The following DNAH7 variants were observed in gnomAD, a reference collection of about 807,000 sequenced individuals.
The protein encoded by DNAH7 is dynein axonemal heavy chain 7.
In DNAH7, 397 loss-of-function variants were observed where a neutral mutation model predicts 444.6. That is an observed-to-expected ratio of 0.89 (90% CI 0.82 to 0.97). The LOEUF is 0.97. DNAH7 is among the 50% of genes least tolerant of loss of function. The probability of loss-of-function intolerance (pLI) is 0.00; values close to 1 mark genes in which losing one functional copy is unlikely to be tolerated. For synonymous variants in DNAH7, 1,636 were observed against 1,624.4 expected (o/e 1.01, Z -0.17); for missense variants, 4,902 against 4,800.8 (o/e 1.02, Z -0.62).
intron 10 of DNAH7, among the ~76,000 whole-genome samples, chr2:196,007,980 T>C (rs1694487940): frequency 6.6e-6 from 1 of 152,056 alleles, no homozygotes. Context: ...ATACTATCAA[T>C]AGGAGAAATA....
chr2:195,858,625 T>G lies in DNAH7; in HGVS notation c.7916A>C (p.Lys2639Thr). Residue 2639 changes from lysine to threonine, a missense_variant, in exon 43 of 65, where the codon AAA becomes ACA. Coordinates refer to ENST00000312428, the MANE Select transcript of DNAH7 (RefSeq NM_018897.3). ...ATCAGCTTTCACTATTTTTTCAGTTTTGGCAACTTCTACAGACTCTTTCTC... is the reference window on the plus strand; with the variant it reads ...ATCAGCTTTCACTATTTTTTCAGTTGTGGCAACTTCTACAGACTCTTTCTC... Reference protein sequence around the residue: ...MIEKESVEVAKTEKIVKADET... With the variant: ...MIEKESVEVATTEKIVKADET... 6.2e-7 allele frequency: 1 copy of G among 1,614,082 alleles called. No individual in the cohort carries two copies. The highest frequency in any genetic ancestry group is 2.2e-5 in the East Asian group (1 of 44,888).
At chr2:195,807,046 G>A (rs1696747108) in intron 53 of DNAH7, among the ~76,000 whole-genome samples, 1 of 152,022 alleles carries the variant, frequency 6.6e-6, no homozygotes, top group Admixed American at 6.6e-5. Flanking sequence ...GAACTAATCA[G>A]GTTAATGTCG....
At chr2:195,758,257 A>G (rs1365471756) in intron 61 of DNAH7, among the ~76,000 whole-genome samples, 1 of 152,246 alleles carries the variant, frequency 6.6e-6, no homozygotes, top group Admixed American at 6.5e-5. Flanking sequence ...ATTCTTAAAC[A>G]TAAGTAGACA....
At chr2:195,812,179 C>T (rs915263347) in intron 51 of DNAH7, among the ~76,000 whole-genome samples, 14 of 152,100 alleles carry the variant, frequency 9.2e-5, no homozygotes, top group Non-Finnish European at 1.5e-4. Flanking sequence ...AACCGATCAG[C>T]ATGCCCTCCT....
At chr2:196,025,236 A>G (rs779825422) in intron 7 of DNAH7, among the ~76,000 whole-genome samples, 10 of 152,216 alleles carry the variant, frequency 6.6e-5, no homozygotes, top group African/African-American at 9.6e-5. Flanking sequence ...TTTAAGTTGC[A>G]TAAGAGCATA....
At chr2:195,990,882 CAT>C (rs1381701698) in intron 12 of DNAH7, among the ~76,000 whole-genome samples, 1 of 118,924 alleles carries the variant, frequency 8.4e-6, no homozygotes, top group Admixed American at 8.9e-5. Flanking sequence ...TAAATATATA[CAT>C]ATATACTTAT....
At chr2:195,836,738 G>A (rs1698394967) in intron 47 of DNAH7, among the ~76,000 whole-genome samples, 1 of 152,156 alleles carries the variant, frequency 6.6e-6, no homozygotes, top group Admixed American at 6.5e-5. Flanking sequence ...TTTTCATTAT[G>A]TCACATTTTA....
intron 1 of DNAH7, among the ~76,000 whole-genome samples, chr2:196,061,827 C>G (rs1265180815): frequency 1.3e-5 from 2 of 152,200 alleles, no homozygotes; most frequent in Non-Finnish European, 2.9e-5. Context: ...GATGTCCATT[C>G]TCTTGGATTT....
chr2:195,890,928 C>T (rs1289080182), intron 31 of DNAH7, among the ~76,000 whole-genome samples: 3 of 152,184 alleles, frequency 2.0e-5, no homozygotes, highest in East Asian at 1.9e-4. Context: ...ACAACTTAAA[C>T]GTCCTGAGCC....
chr2:195,739,296 G>T (rs13423841), intron 64 of DNAH7, among the ~76,000 whole-genome samples: 4 of 151,946 alleles, frequency 2.6e-5, no homozygotes, highest in African/African-American at 9.7e-5. Flanking sequence ...CAGCTTTCTC[G>T]CAATTGGCTG....
chr2:196,017,125 C>T (rs1019484062), intron 9 of DNAH7, among the ~76,000 whole-genome samples: 7 of 152,174 alleles, frequency 4.6e-5, no homozygotes, highest in Non-Finnish European at 7.4e-5. Flanking sequence ...AGTTATTTTC[C>T]GGCCTCAGCC....
At chr2:195,822,616 A>T (rs1030197506) in intron 49 of DNAH7, among the ~76,000 whole-genome samples, 31 of 152,180 alleles carry the variant, frequency 2.0e-4, no homozygotes, top group Admixed American at 4.6e-4. Flanking sequence ...CCCAGCAATT[A>T]AAAATAATAA....
At chr2:195,915,523 T>C (rs1687621581) in intron 24 of DNAH7, among the ~76,000 whole-genome samples, 1 of 152,230 alleles carries the variant, frequency 6.6e-6, no homozygotes, top group Non-Finnish European at 1.5e-5. Flanking sequence ...AGGATGGTGC[T>C]ATTAGAGCCA....
chr2:195,948,213 T>G (rs1689957289), intron 19 of DNAH7, among the ~76,000 whole-genome samples: 1 of 152,226 alleles, frequency 6.6e-6, no homozygotes. Context: ...ATGGATAGAT[T>G]GCAAAAATTT....
At chr2:195,976,268 T>G (rs926133013) in intron 15 of DNAH7, among the ~76,000 whole-genome samples, 1 of 152,094 alleles carries the variant, frequency 6.6e-6, no homozygotes, top group African/African-American at 2.4e-5. Context: ...GGGCCTTAAG[T>G]GAACATTGGC....
chr2:195,849,384 C>A (rs575705329), intron 46 of DNAH7, among the ~76,000 whole-genome samples: 1 of 152,150 alleles, frequency 6.6e-6, no homozygotes, highest in Non-Finnish European at 1.5e-5. Flanking sequence ...TGCCATGTAA[C>A]GTGGCATAGT....
At chr2:195,923,404 G>T (rs1429804225) in intron 23 of DNAH7, among the ~76,000 whole-genome samples, 191 bp downstream of exon 23, 1 of 152,126 alleles carries the variant, frequency 6.6e-6, no homozygotes, top group African/African-American at 2.4e-5. Flanking sequence ...TAAGGATACA[G>T]ATATCAATAC....
Position 195,794,323 on chromosome 2 carries a change from T to C in DNAH7, c.10716+15A>G. On this transcript the variant is annotated intron_variant, in intron 57 of 64. Transcript: ENST00000312428. ...CTTTACAGGGCCGAGGTAACAAGAC[T>C]TAACCATTACTAACAGGCTTTTTGC... 6.2e-7 allele frequency: 1 copy of C among 1,613,888 alleles called. No individual in the cohort carries two copies. Among genetic ancestry groups the C allele is most frequent in the Non-Finnish European group, 8.5e-7 (1 of 1,179,834 alleles).
At chr2:195,774,656 A>C (rs955429065) in intron 60 of DNAH7, among the ~76,000 whole-genome samples, 12 of 152,224 alleles carry the variant, frequency 7.9e-5, no homozygotes, top group African/African-American at 2.2e-4. Context: ...CAAACTGCTT[A>C]ATCTTTCTGT....
Sources: gnomAD v4.1 joint callset for allele counts (sites outside exome capture counted in the v4.1 genomes callset) on GRCh38, gnomAD v4.1.1 for gene constraint, MANE v1.5 for transcripts, NCBI Gene and HGNC (gene_info 2026-07-23, HGNC 2026-07-21) for gene names.